PCLO: variants seen among roughly 807,000 people sequenced by gnomAD.
PCLO encodes the protein piccolo presynaptic cytomatrix protein, also known as protein piccolo.
In PCLO, 82 loss-of-function variants were observed where a neutral mutation model predicts 427.5. That is an observed-to-expected ratio of 0.19 (90% CI 0.16 to 0.23). PCLO has a LOEUF of 0.23. Among genes scored for constraint, PCLO ranks in the 10% least tolerant of loss-of-function variants. The pLI is 1.00. For missense variants in PCLO, 6,239 were observed against 6,115.9 expected (o/e 1.02, Z -0.67); for synonymous variants, 2,357 against 2,155.4 (o/e 1.09, Z -2.59).
chr7:83,116,694 T>A (rs1791142895), intron 3 of PCLO, among the ~76,000 whole-genome samples: 1 of 152,196 alleles, frequency 6.6e-6, no homozygotes, highest in South Asian at 2.1e-4. Flanking sequence ...TAACACATTA[T>A]TAACTATATC....
rs369016904 is a variant in PCLO at position 82,956,115 on chromosome 7, C to T, written c.4838G>A (p.Arg1613Gln). The stretch of plus-strand genomic sequence containing the variant: ...TTCATCAATGCTTGTGCTACTTTTT[C>T]GAGTCAGTCGTCTGTGTTTCCCTGC... ...ITAGKHRRLTRKSSTSIDEDA... is the reference protein window; with the variant it reads ...ITAGKHRRLTQKSSTSIDEDA... Residue 1613 changes from arginine to glutamine, a missense_variant, in exon 5 of 25, where the codon CGA becomes CAA. By Grantham distance (43) the Arg-to-Gln change is conservative (BLOSUM62 1). Coordinates refer to ENST00000333891, the MANE Select transcript of PCLO (RefSeq NM_033026.6). 52 of 1,609,662 alleles carry T rather than the reference C, an allele frequency of 3.2e-5. 1 individual carries two copies. Among genetic ancestry groups the T allele is most frequent in the East Asian group, 4.5e-5 (2 of 44,878 alleles).
chr7:83,048,620 A>G (rs1270143789), intron 3 of PCLO, among the ~76,000 whole-genome samples: 1 of 152,150 alleles, frequency 6.6e-6, no homozygotes, highest in Non-Finnish European at 1.5e-5. Flanking sequence ...GACATTCTTT[A>G]AAAAGAAAGC....
At chr7:83,126,996 T>C (rs1163647809) in intron 3 of PCLO, among the ~76,000 whole-genome samples, 1 of 152,082 alleles carries the variant, frequency 6.6e-6, no homozygotes, top group African/African-American at 2.4e-5. Flanking sequence ...TTAAAACCCA[T>C]TTACCTGAAT....
At chr7:83,146,326 A>ACTT (rs1454919247) in intron 2 of PCLO, among the ~76,000 whole-genome samples, 1 of 152,228 alleles carries the variant, frequency 6.6e-6, no homozygotes. Context: ...TTACTGATGT[A>ACTT]CTTCATACTA....
chr7:82,972,449 A>G (rs1795927631), intron 3 of PCLO, among the ~76,000 whole-genome samples: 1 of 152,064 alleles, frequency 6.6e-6, no homozygotes, highest in Non-Finnish European at 1.5e-5. Flanking sequence ...TTTCCAAAGC[A>G]TAATAGTAAG....
chr7:82,781,993 G>T (rs1376127299), intron 22 of PCLO, among the ~76,000 whole-genome samples: 1 of 152,150 alleles, frequency 6.6e-6, no homozygotes, highest in Non-Finnish European at 1.5e-5. Flanking sequence ...TAAACATAAG[G>T]TTTCCCTGAG....
At chr7:83,042,014 T>C (rs937985937) in intron 3 of PCLO, among the ~76,000 whole-genome samples, 33 of 152,184 alleles carry the variant, frequency 2.2e-4, no homozygotes, top group Admixed American at 4.6e-4. Context: ...CAAATTCATT[T>C]TGAAGCATGA....
chr7:82,993,165 T>C (rs1257692332), intron 3 of PCLO, among the ~76,000 whole-genome samples: 3 of 152,046 alleles, frequency 2.0e-5, no homozygotes, highest in African/African-American at 4.8e-5. Flanking sequence ...ATATATTCAA[T>C]GCAACTTAAT....
At chr7:82,857,830 G>A (rs1406491635) in intron 10 of PCLO, among the ~76,000 whole-genome samples, 2 of 152,094 alleles carry the variant, frequency 1.3e-5, no homozygotes, top group Non-Finnish European at 2.9e-5. Flanking sequence ...GACAAAGGAG[G>A]AGAGAGGTTT....
chr7:82,801,465 A>G (rs568349285), intron 22 of PCLO, 53 bp downstream of exon 22: 1 of 904,406 alleles, frequency 1.1e-6, no homozygotes, highest in South Asian at 1.3e-5. Context: ...TGAAACACTT[A>G]TACTGTAGAA....
intron 4 of PCLO, among the ~76,000 whole-genome samples, chr7:82,962,085 A>T (rs1371344018): frequency 2.0e-5 from 3 of 152,206 alleles, no homozygotes; most frequent in Non-Finnish European, 2.9e-5. Flanking sequence ...AAAATGCTTG[A>T]CATTATCAGG....
chr7:82,815,346 G>A (rs1269508127), intron 20 of PCLO, among the ~76,000 whole-genome samples: 1 of 151,992 alleles, frequency 6.6e-6, no homozygotes, highest in Non-Finnish European at 1.5e-5. Flanking sequence ...TTGGATGGAA[G>A]CAAAATGGTG....
intron 3 of PCLO, among the ~76,000 whole-genome samples, chr7:83,010,262 T>C (rs1417533132): frequency 6.6e-6 from 1 of 151,958 alleles, no homozygotes; most frequent in Non-Finnish European, 1.5e-5. Flanking sequence ...ATTTACAACT[T>C]CTTATGATGT....
chr7:83,023,014 T>C (rs1194450981), intron 3 of PCLO, among the ~76,000 whole-genome samples: 2 of 152,180 alleles, frequency 1.3e-5, no homozygotes, highest in Non-Finnish European at 2.9e-5. Flanking sequence ...AAATCTAAGA[T>C]AAATATCATC....
At chr7:82,919,809 T>C (rs1794554609) in intron 6 of PCLO, among the ~76,000 whole-genome samples, 2 of 152,020 alleles carry the variant, frequency 1.3e-5, no homozygotes, top group South Asian at 2.1e-4. Context: ...AATTTTCTTT[T>C]AGATTTTCCC....
intron 3 of PCLO, among the ~76,000 whole-genome samples, chr7:82,976,646 A>C (rs1328842324): frequency 6.6e-6 from 1 of 152,168 alleles, no homozygotes; most frequent in African/African-American, 2.4e-5. Flanking sequence ...TTTTACTGGA[A>C]TTTAAGAGAA....
chr7:83,070,531 G>A (rs977517921), intron 3 of PCLO, among the ~76,000 whole-genome samples: 12 of 151,986 alleles, frequency 7.9e-5, no homozygotes, highest in Non-Finnish European at 1.0e-4. Context: ...GCGACTACAG[G>A]TGCTGCCACC....
At chr7:83,045,973 G>A (rs1238224452) in intron 3 of PCLO, among the ~76,000 whole-genome samples, 2 of 152,040 alleles carry the variant, frequency 1.3e-5, no homozygotes, top group East Asian at 1.9e-4. Context: ...TTGGAAGTCC[G>A]AGACCAATAT....
At chr7:82,791,644 A>C (rs1791103445) in intron 22 of PCLO, among the ~76,000 whole-genome samples, 1 of 152,214 alleles carries the variant, frequency 6.6e-6, no homozygotes, top group East Asian at 1.9e-4. Flanking sequence ...CTCAGAGTCT[A>C]TTATCTCGTG....
Sources: gnomAD v4.1 joint callset for allele counts (sites outside exome capture counted in the v4.1 genomes callset) on GRCh38, gnomAD v4.1.1 for gene constraint, MANE v1.5 for transcripts, NCBI Gene and HGNC (gene_info 2026-07-23, HGNC 2026-07-21) for gene names.